Variants in HEMK2 observed in about 807,000 individuals in gnomAD.
HEMK2 encodes the protein methyltransferase HEMK2.
At chr21:28,802,799 C>T in the HEMK2 span, among the ~76,000 whole-genome samples, 1 of 152,058 alleles carries the variant, frequency 6.6e-6, no homozygotes. Flanking sequence ...ATAATTTTAG[C>T]ATTTTGAACC....
chr21:28,604,489 A>G, the HEMK2 span, among the ~76,000 whole-genome samples: 1 of 152,252 alleles, frequency 6.6e-6, no homozygotes, highest in Non-Finnish European at 1.5e-5. Context: ...TGAGAAAGAC[A>G]GATGGGAACT....
the HEMK2 span, among the ~76,000 whole-genome samples, chr21:28,762,564 C>A: frequency 2.4e-4 from 36 of 152,182 alleles, 1 homozygote; most frequent in African/African-American, 7.2e-4. Flanking sequence ...GAATTGGTAG[C>A]AAGCTGCAAT....
At chr21:28,604,029 G>C in the HEMK2 span, among the ~76,000 whole-genome samples, 1 of 152,168 alleles carries the variant, frequency 6.6e-6, no homozygotes, top group African/African-American at 2.4e-5. Flanking sequence ...ACAGTCCTTA[G>C]AATTAAAGGA....
the HEMK2 span, among the ~76,000 whole-genome samples, chr21:28,847,605 C>A: frequency 6.6e-6 from 1 of 152,098 alleles, no homozygotes; most frequent in African/African-American, 2.4e-5. Context: ...TTTTGCTGTG[C>A]AGAAGCTCTT....
the HEMK2 span, among the ~76,000 whole-genome samples, chr21:28,860,666 G>A: frequency 6.7e-6 from 1 of 148,944 alleles, no homozygotes; most frequent in Non-Finnish European, 1.5e-5. Flanking sequence ...TGTCGAGAAA[G>A]AGCTGAAACT....
the HEMK2 span, among the ~76,000 whole-genome samples, chr21:28,732,907 C>T: frequency 6.6e-6 from 1 of 152,164 alleles, no homozygotes; most frequent in African/African-American, 2.4e-5. Flanking sequence ...TACCCGGGTA[C>T]CTCCAGAATA....
chr21:28,842,332 A>T, the HEMK2 span, among the ~76,000 whole-genome samples: 1 of 152,168 alleles, frequency 6.6e-6, no homozygotes, highest in South Asian at 2.1e-4. Context: ...AAAGATTGAG[A>T]TAATTCTTTC....
chr21:28,637,225 C>A, the HEMK2 span, among the ~76,000 whole-genome samples: 1 of 152,128 alleles, frequency 6.6e-6, no homozygotes, highest in South Asian at 2.1e-4. Context: ...ATGTACTTAT[C>A]TTATTCATCA....
chr21:28,791,899 T>C, the HEMK2 span, among the ~76,000 whole-genome samples: 1 of 151,826 alleles, frequency 6.6e-6, no homozygotes, highest in Non-Finnish European at 1.5e-5. Context: ...TATCACAAGA[T>C]ACAGGTCATA....
the HEMK2 span, among the ~76,000 whole-genome samples, chr21:28,764,556 C>T: frequency 6.6e-6 from 1 of 152,108 alleles, no homozygotes; most frequent in Non-Finnish European, 1.5e-5. Context: ...GCACAAACGT[C>T]CTATAAAAGA....
chr21:28,716,307 C>G, the HEMK2 span, among the ~76,000 whole-genome samples: 2 of 152,120 alleles, frequency 1.3e-5, no homozygotes, highest in Admixed American at 1.3e-4. Context: ...TGATTTCTTT[C>G]AGCAGTGTTT....
the HEMK2 span, among the ~76,000 whole-genome samples, chr21:28,810,222 A>G: frequency 6.6e-6 from 1 of 152,160 alleles, no homozygotes; most frequent in Non-Finnish European, 1.5e-5. Flanking sequence ...CACCCATTCA[A>G]GAAGCAGTCA....
chr21:28,633,956 T>C, the HEMK2 span, among the ~76,000 whole-genome samples: 1 of 152,168 alleles, frequency 6.6e-6, no homozygotes, highest in African/African-American at 2.4e-5. Flanking sequence ...CTGGGCCCAA[T>C]GGAACAGGCT....
At chr21:28,840,347 A>C in the HEMK2 span, among the ~76,000 whole-genome samples, 3 of 152,202 alleles carry the variant, frequency 2.0e-5, no homozygotes. Flanking sequence ...AATGCAATAA[A>C]AACAAACATA....
At chr21:28,651,958 GT>G in the HEMK2 span, among the ~76,000 whole-genome samples, 8 of 152,072 alleles carry the variant, frequency 5.3e-5, no homozygotes, top group African/African-American at 1.9e-4. Context: ...TCCCCTAAGC[GT>G]GGAATAGAAA....
the HEMK2 span, among the ~76,000 whole-genome samples, chr21:28,630,338 A>T: frequency 6.6e-6 from 1 of 152,188 alleles, no homozygotes; most frequent in Non-Finnish European, 1.5e-5. Flanking sequence ...GTGGGACTGT[A>T]AACTAGTTCA....
chr21:28,763,422 TA>T, the HEMK2 span, among the ~76,000 whole-genome samples: 2 of 152,006 alleles, frequency 1.3e-5, no homozygotes, highest in Non-Finnish European at 2.9e-5. Flanking sequence ...CAGGCTCTTT[TA>T]AACAATCAGC....
chr21:28,582,679 A>G, the HEMK2 span, among the ~76,000 whole-genome samples: 1 of 152,218 alleles, frequency 6.6e-6, no homozygotes, highest in Admixed American at 6.5e-5. Flanking sequence ...TATAATCAGT[A>G]GCTTTCTTCA....
the HEMK2 span, among the ~76,000 whole-genome samples, chr21:28,741,862 CAT>C: frequency 3.3e-5 from 5 of 152,122 alleles, no homozygotes; most frequent in Non-Finnish European, 5.9e-5. Context: ...GCAGTGAACA[CAT>C]GTGTGCCTGT....
Sources: allele counts gnomAD v4.1 joint callset (sites outside exome capture counted in the v4.1 genomes callset), GRCh38; gene constraint gnomAD v4.1.1; transcripts MANE v1.5; gene names NCBI Gene and HGNC (gene_info 2026-07-23, HGNC 2026-07-21).